DHX57: variants seen among roughly 807,000 people sequenced by gnomAD.
DHX57 encodes the protein putative ATP-dependent RNA helicase DHX57.
DHX57 carries 105 observed loss-of-function variants against 156.2 expected under a neutral mutation model. The ratio of observed to expected loss-of-function variants is 0.67; its 90% CI spans 0.57 to 0.79. DHX57 has a LOEUF of 0.79. Ranked by LOEUF, DHX57 falls within the 30% of genes least tolerant of loss-of-function variation. DHX57 has a pLI of 0.00. For missense variants in DHX57, 1,847 were observed against 1,661.9 expected, an observed-to-expected ratio of 1.11 and a Z score of -1.94; for synonymous variants, 704 against 595.6, an observed-to-expected ratio of 1.18 and a Z score of -2.65.
At chr2:38,847,335 C>T (rs754915132) in intron 10 of DHX57, among the ~76,000 whole-genome samples, 83 of 151,906 alleles carry the variant, frequency 5.5e-4, no homozygotes, top group Non-Finnish European at 8.8e-4. Flanking sequence ...CCTTTCATAC[C>T]CTCCTCCCCT....
chr2:38,798,848 C>T (rs1669525020), intron 23 of DHX57, among the ~76,000 whole-genome samples: 1 of 152,196 alleles, frequency 6.6e-6, no homozygotes, highest in South Asian at 2.1e-4. Context: ...GAGGCTGAGG[C>T]AGGAGAATGG....
intron 1 of DHX57, among the ~76,000 whole-genome samples, chr2:38,872,768 CAAT>C (rs1279046574): frequency 6.6e-6 from 1 of 152,116 alleles, no homozygotes; most frequent in Non-Finnish European, 1.5e-5. Context: ...TTAGACAATT[CAAT>C]AATAATAGTA....
chr2:38,847,730 A>G (rs1448593526), intron 10 of DHX57, among the ~76,000 whole-genome samples: 2 of 152,176 alleles, frequency 1.3e-5, no homozygotes, highest in African/African-American at 4.8e-5. Context: ...GTTAAACACA[A>G]TGGAATGCTA....
intron 14 of DHX57, 42 bp from the exon 15 acceptor site, chr2:38,826,731 C>T (rs774970370): frequency 1.9e-6 from 3 of 1,589,088 alleles, no homozygotes; most frequent in African/African-American, 1.3e-5. Context: ...TAGCACCTAG[C>T]ACCGAAACTA....
chr2:38,856,612 T>G, intron 6 of DHX57, 151 bp from the exon 7 acceptor site: 1 of 994,154 alleles, frequency 1.0e-6, no homozygotes, highest in South Asian at 1.8e-5. Flanking sequence ...CTAGCGATCC[T>G]CCCGCCTCAA....
intron 20 of DHX57, 63 bp from the exon 21 acceptor site, chr2:38,813,958 G>A (rs1471124858): frequency 1.9e-6 from 3 of 1,571,370 alleles, no homozygotes; most frequent in East Asian, 2.3e-5. Context: ...TTCTTTTTGA[G>A]ATGGAGTCTT....
chr2:38,861,998 C>T (rs1205795280), intron 4 of DHX57, 147 bp downstream of exon 4: 15 of 1,203,710 alleles, frequency 1.2e-5, no homozygotes, highest in Admixed American at 2.9e-5. Context: ...CCCTGAATGA[C>T]CCCTTCTGAT....
rs777387845 is a variant in DHX57, at chr2:38,823,226, C to A, written c.3058G>T (p.Val1020Leu). The A allele has an allele frequency of 1.2e-6, 2 of 1,613,968 alleles. No homozygotes were observed. The highest frequency in any genetic ancestry group is 1.7e-5 in the Admixed American group (1 of 59,980). ...GGAGGTTCAATGAGCCGAGAGAACA[C>A]AGACTGGAGATTATGAGCACTAAAC... is the stretch of plus-strand genomic sequence containing the variant. The part of the protein sequence containing the change: ...EMFSAHNLQS[V>L]FSRLIEPPHT... The change falls in exon 17 of 24, where the codon GTG (valine) becomes TTG (leucine). Residue 1020 changes from valine to leucine, a missense_variant. Coordinates refer to ENST00000457308, the MANE Select transcript of DHX57 (RefSeq NM_198963.3).
At chr2:38,875,230 G>T (rs1218593074) in intron 1 of DHX57, among the ~76,000 whole-genome samples, 1 of 152,182 alleles carries the variant, frequency 6.6e-6, no homozygotes, top group African/African-American at 2.4e-5. Flanking sequence ...AGCCCGGGAA[G>T]ACTCCAACTA....
chr2:38,855,343 G>C, intron 7 of DHX57, 91 bp from the exon 8 acceptor site: 1 of 1,335,138 alleles, frequency 7.5e-7, no homozygotes. Context: ...AAGTGATAAA[G>C]CTAATTAGAA....
intron 12 of DHX57, among the ~76,000 whole-genome samples, chr2:38,839,187 C>A (rs1165502528): frequency 6.6e-6 from 1 of 151,750 alleles, no homozygotes; most frequent in Admixed American, 6.6e-5. Flanking sequence ...GCCTCGGCCT[C>A]CCAAACTGCT....
At chr2:38,817,882 G>C (rs780962852) in intron 19 of DHX57, among the ~76,000 whole-genome samples, 7 of 151,650 alleles carry the variant, frequency 4.6e-5, no homozygotes, top group Non-Finnish European at 1.0e-4. Flanking sequence ...ATTTTTTGTA[G>C]AGATGGGGTT....
intron 21 of DHX57, among the ~76,000 whole-genome samples, 172 bp from the exon 22 acceptor site, chr2:38,806,865 C>CTT (rs34006142): frequency 2.9e-5 from 4 of 137,156 alleles, no homozygotes; most frequent in South Asian, 2.4e-4. Context: ...CAAGCACATG[C>CTT]TTTTTTTTTT....
At chr2:38,875,345 C>T (rs1384469528) in intron 1 of DHX57, among the ~76,000 whole-genome samples, 1 of 152,146 alleles carries the variant, frequency 6.6e-6, no homozygotes, top group Non-Finnish European at 1.5e-5. Flanking sequence ...TCCTCCCAGG[C>T]AGATCTCTGA....
chr2:38,823,778 G>A (rs191231133), intron 16 of DHX57, among the ~76,000 whole-genome samples: 3 of 152,270 alleles, frequency 2.0e-5, no homozygotes, highest in Admixed American at 6.5e-5. Flanking sequence ...TTGGGAGGCC[G>A]AGGTAGGTGG....
intron 22 of DHX57, 181 bp from the exon 23 acceptor site, chr2:38,803,096 A>C: frequency 1.6e-6 from 1 of 619,620 alleles, no homozygotes; most frequent in East Asian, 2.8e-5. Flanking sequence ...CCTCTTGGAC[A>C]TTTAATACAT....
At chr2:38,833,994 C>T (rs1041988016) in intron 13 of DHX57, among the ~76,000 whole-genome samples, 22 of 152,036 alleles carry the variant, frequency 1.4e-4, no homozygotes, top group African/African-American at 4.3e-4. Context: ...CCATACCTGG[C>T]GCCATTTGCA....
At chr2:38,809,231 C>T (rs1670109458) in intron 21 of DHX57, among the ~76,000 whole-genome samples, 1 of 152,004 alleles carries the variant, frequency 6.6e-6, no homozygotes, top group Non-Finnish European at 1.5e-5. Flanking sequence ...GTTATCCTCC[C>T]ATCTCAGCCT....
At chr2:38,831,889 GT>G (rs1245915843) in intron 13 of DHX57, among the ~76,000 whole-genome samples, 2 of 151,762 alleles carry the variant, frequency 1.3e-5, no homozygotes, top group Non-Finnish European at 2.9e-5. Context: ...GGACATGGTG[GT>G]GCACACCTGT....
Sources: gnomAD v4.1 joint callset for allele counts (sites outside exome capture counted in the v4.1 genomes callset) on GRCh38, gnomAD v4.1.1 for gene constraint, MANE v1.5 for transcripts, NCBI Gene and HGNC (gene_info 2026-07-23, HGNC 2026-07-21) for gene names.